Variants in GAB3 observed in about 807,000 individuals in gnomAD.
GAB3 encodes GRB2-associated-binding protein 3.
Under a neutral mutation model 40.4 loss-of-function variants are expected in GAB3, and 12 were observed. The observed-to-expected ratio is 0.30, with a 90% CI of 0.19 to 0.48. The LOEUF (loss-of-function observed/expected upper bound fraction) is 0.48, where lower values mean the gene tolerates loss of function less well. Ranked by LOEUF, GAB3 falls within the 20% of genes least tolerant of loss-of-function variation. The pLI is 0.99. For synonymous variants in GAB3, 154 were observed against 176.7 expected, an observed-to-expected ratio of 0.87 and a Z score of 1.02; for missense variants, 381 against 461.9, an observed-to-expected ratio of 0.82 and a Z score of 1.61.
Position 154,707,869 on chromosome X carries a change from T to C in GAB3, c.1069+4360A>G, listed in dbSNP as rs182288011. Among the ~76,000 whole-genome samples the C allele has an allele frequency of 2.0e-4, 23 of 112,240 alleles. No individual in the cohort carries two copies. In the East Asian group the frequency reaches 6.0e-3, roughly 29 times the overall value. On this transcript the variant is annotated intron_variant, in intron 4 of 9. Transcript: ENST00000424127. ...AAAATCCAAAACTCAATTTAAGTTTTCATACAACAGCAAAAAACAGTTGAC... is the reference window on the plus strand; with the variant it reads ...AAAATCCAAAACTCAATTTAAGTTTCCATACAACAGCAAAAAACAGTTGAC...
At position 154,724,944 on chromosome X, in the gene GAB3, C is replaced by T. The variant is rs782819773; in HGVS notation, c.73-8615G>A. On this transcript the variant is annotated intron_variant, in intron 1 of 9. Transcript: ENST00000424127. ...TAAACTCCTAAGCCCCCAGTATCCC[C>T]GAATATAAACTTATATGGAAATAGT... Among the ~76,000 whole-genome samples, 18 of 111,071 alleles carry T rather than the reference C, an allele frequency of 1.6e-4. No homozygotes were observed. The East Asian group carries it at 2.0e-3, about 12-fold the overall frequency.
chrX:154,691,439 G>GA (rs1485865017), intron 8 of GAB3, among the ~76,000 whole-genome samples: 4 of 108,810 alleles, frequency 3.7e-5, no homozygotes, highest in Non-Finnish European at 7.7e-5. Flanking sequence ...AAATAAAAAA[G>GA]AAAAAAAAGA....
intron 1 of GAB3, among the ~76,000 whole-genome samples, chrX:154,745,966 C>T (rs1373098771): frequency 1.9e-5 from 2 of 107,167 alleles, no homozygotes; most frequent in African/African-American, 6.9e-5. Context: ...GCTGGAGAAT[C>T]TCTTGAACCC....
At chrX:154,744,231 A>C (rs1196334190) in intron 1 of GAB3, among the ~76,000 whole-genome samples, 7 of 89,686 alleles carry the variant, frequency 7.8e-5, no homozygotes, top group Non-Finnish European at 1.8e-4. Flanking sequence ...AAAAAAAAAA[A>C]AAAAAAAAAA....
Position 154,699,313 on chromosome X carries a change from A to C in GAB3, c.1326T>G (p.Asp442Glu). The C allele has an allele frequency of 3.3e-6, 4 of 1,208,727 alleles. No individual in the cohort carries two copies. The highest frequency in any genetic ancestry group is 4.5e-6 in the Non-Finnish European group (4 of 893,169). The change falls in exon 6 of 10, where the codon GAT (aspartate) becomes GAG (glutamate). Residue 442 changes from aspartate to glutamate, a missense_variant. By Grantham distance (45) the Asp-to-Glu change is conservative. Around this residue, in one of 2 missense-constraint regions of GAB3, gnomAD observed 364 missense variants for 421.0 expected, o/e 0.86. Transcript: ENST00000424127. Reference protein sequence around the residue: ...ANLEPPPVNRDLKPQRKSRPP... With the variant: ...ANLEPPPVNRELKPQRKSRPP... ...GCTTACATTTCCTCTGAGGCTTGAG[A>C]TCTCTATTCACTGGGGGAGGTTCCA...
chrX:154,723,198 C>CA (rs1454873083), intron 1 of GAB3, among the ~76,000 whole-genome samples: 5 of 111,372 alleles, frequency 4.5e-5, no homozygotes, highest in Non-Finnish European at 7.6e-5. Flanking sequence ...TCTTTTATGA[C>CA]AAAAAAAATC....
At chrX:154,749,440 G>T (rs887693106) in intron 1 of GAB3, among the ~76,000 whole-genome samples, 5 of 112,708 alleles carry the variant, frequency 4.4e-5, no homozygotes, top group African/African-American at 1.3e-4. Flanking sequence ...AAGCACTACT[G>T]TGTGACAAAA....
At chrX:154,688,900 C>A (rs1557248546) in intron 8 of GAB3, among the ~76,000 whole-genome samples, 1 of 110,467 alleles carries the variant, frequency 9.1e-6, no homozygotes, top group African/African-American at 3.3e-5. Flanking sequence ...AGGGAATCCT[C>A]CCTAACTCAT....
intron 9 of GAB3, chrX:154,679,383 G>T: frequency 4.1e-6 from 1 of 241,129 alleles, no homozygotes. Context: ...TGAGATTTGG[G>T]GGTTGTTTGT....
intron 8 of GAB3, among the ~76,000 whole-genome samples, chrX:154,691,394 TG>T (rs1182627539): frequency 2.8e-5 from 3 of 108,654 alleles, no homozygotes; most frequent in Non-Finnish European, 5.7e-5. Context: ...ATTGTGCACA[TG>T]TACCCTAAAA....
intron 6 of GAB3, among the ~76,000 whole-genome samples, chrX:154,698,342 C>G (rs1557251294): frequency 8.9e-6 from 1 of 112,033 alleles, no homozygotes; most frequent in Non-Finnish European, 1.9e-5. Context: ...CCTCCTTGCT[C>G]CCTCATCTTT....
In GAB3 at chrX:154,694,035, G is replaced by GA. The variant is rs201752334; in HGVS notation, c.1530+1881dup. Reference sequence around the variant, plus strand: ...TCAGATCAGAACTTGCCCTTAAAGAGAAAAAAAAAAATTAACATATATACT... The same window carrying GA: ...TCAGATCAGAACTTGCCCTTAAAGAGAAAAAAAAAAAATTAACATATATACT... On this transcript the variant is annotated intron_variant, in intron 8 of 9. Transcript: ENST00000424127. Among the ~76,000 whole-genome samples the GA allele has an allele frequency of 5.8e-3, 598 of 102,794 alleles. 13 individuals are homozygous for GA. The highest frequency in any genetic ancestry group is 0.046 in the East Asian group (155 of 3,378). 89.3% of individuals were successfully genotyped at this position (102,794 alleles called of 115,157 possible).
chrX:154,728,707 C>T (rs1390352722), intron 1 of GAB3, among the ~76,000 whole-genome samples: 1 of 112,246 alleles, frequency 8.9e-6, no homozygotes, highest in Non-Finnish European at 1.9e-5. Context: ...CCAACTTTCC[C>T]TGGGATCTTA....
At chrX:154,742,597 G>A (rs1446792354) in intron 1 of GAB3, among the ~76,000 whole-genome samples, 6 of 111,270 alleles carry the variant, frequency 5.4e-5, no homozygotes, top group Non-Finnish European at 7.5e-5. Context: ...TCAAACCATC[G>A]TAAGTCAGGA....
chrX:154,684,011 AT>A (rs2070412699), intron 8 of GAB3, among the ~76,000 whole-genome samples: 1 of 111,910 alleles, frequency 8.9e-6, no homozygotes, highest in African/African-American at 3.2e-5. Flanking sequence ...TTATTCACAC[AT>A]TCATCAGTCG....
intron 4 of GAB3, among the ~76,000 whole-genome samples, chrX:154,701,899 T>G (rs782481948): frequency 1.8e-5 from 2 of 111,831 alleles, no homozygotes; most frequent in Non-Finnish European, 3.8e-5. Flanking sequence ...CATGTTCATG[T>G]ACTGGAAGAA....
chrX:154,704,830 AC>A (rs1223616393), intron 4 of GAB3, among the ~76,000 whole-genome samples: 3 of 111,754 alleles, frequency 2.7e-5, no homozygotes, highest in Non-Finnish European at 5.6e-5. Flanking sequence ...AAATTTGAAA[AC>A]CCAGAGGAAA....
chrX:154,710,175 A>C (rs1314351791), intron 4 of GAB3, among the ~76,000 whole-genome samples: 1 of 112,213 alleles, frequency 8.9e-6, no homozygotes, highest in East Asian at 2.8e-4. Flanking sequence ...ATACAAAAAT[A>C]AGACCTACAG....
At chrX:154,694,391 G>GTTTTTTTTTTTTTT (rs781950607) in intron 8 of GAB3, among the ~76,000 whole-genome samples, 6 of 100,168 alleles carry the variant, frequency 6.0e-5, no homozygotes, top group African/African-American at 1.8e-4. Context: ...ATCTTTCTCT[G>GTTTTTTTTTTTTTT]TTTTTTTTTT....
Sources: allele counts gnomAD v4.1 joint callset (sites outside exome capture counted in the v4.1 genomes callset), GRCh38; gene constraint gnomAD v4.1.1; regional missense constraint gnomAD v4.1.1; transcripts MANE v1.5; gene names NCBI Gene and HGNC (gene_info 2026-07-23, HGNC 2026-07-21).